KCNAB1: variants seen among roughly 807,000 people sequenced by gnomAD.
The protein encoded by KCNAB1 is voltage-gated potassium channel subunit beta-1.
KCNAB1 carries 35 observed loss-of-function variants against 64.6 expected under a neutral mutation model. That is an observed-to-expected ratio of 0.54 (90% CI 0.41 to 0.72). KCNAB1 has a LOEUF of 0.72. Among genes scored for constraint, KCNAB1 ranks in the 30% least tolerant of loss-of-function variants. The pLI is 0.00. For missense variants in KCNAB1, 401 were observed against 512.9 expected (o/e 0.78, Z 2.11); for synonymous variants, 177 against 183.8 (o/e 0.96, Z 0.30).
At chr3:156,220,232 CA>C in intron 1 of KCNAB1, among the ~76,000 whole-genome samples, 1 of 152,248 alleles carries the variant, frequency 6.6e-6, no homozygotes, top group East Asian at 1.9e-4. Context: ...GGTATATGCA[CA>C]GTAATGGGAT....
rs555090693 is a variant in KCNAB1 at position 156,180,815 on chromosome 3, T to C, written c.275+59929T>C. Among the ~76,000 whole-genome samples, 55 of 152,228 alleles carry C rather than the reference T, an allele frequency of 3.6e-4. 1 individual carries two copies. The South Asian group carries it at 0.01, about 28-fold the overall frequency. ...AGGTCTCAGGGAGGGAGAACAGAAA[T>C]GTCACATGAAGAAGGTGGAAACAGA... On this transcript the variant is annotated intron_variant, in intron 1 of 13. Coordinates refer to ENST00000490337, the MANE Select transcript of KCNAB1 (RefSeq NM_172160.3).
chr3:156,501,087 T>C (rs1452400459), intron 8 of KCNAB1, among the ~76,000 whole-genome samples: 1 of 152,182 alleles, frequency 6.6e-6, no homozygotes, highest in Non-Finnish European at 1.5e-5. Context: ...AAAATATAAT[T>C]ACCCTCAATA....
intron 1 of KCNAB1, among the ~76,000 whole-genome samples, chr3:156,378,975 G>A (rs2108142878): frequency 6.6e-6 from 1 of 152,330 alleles, no homozygotes; most frequent in East Asian, 1.9e-4. Flanking sequence ...GACAGTTTCT[G>A]CTGAAAAATC....
chr3:156,470,306 C>T (rs759570001), intron 7 of KCNAB1, among the ~76,000 whole-genome samples: 40 of 152,120 alleles, frequency 2.6e-4, no homozygotes, highest in Non-Finnish European at 2.6e-4. Context: ...TCAGCCATTC[C>T]ACAAACATTT....
At chr3:156,119,777 G>A (rs928124682), upstream of KCNAB1, among the ~76,000 whole-genome samples, 7 of 152,218 alleles carry the variant, frequency 4.6e-5, no homozygotes, top group African/African-American at 1.7e-4. Context: ...TAACCATAGG[G>A]CCATCAGCTT....
At chr3:156,176,440 G>A in intron 1 of KCNAB1, 1 of 785,214 alleles carries the variant, frequency 1.3e-6, no homozygotes, top group Non-Finnish European at 2.4e-6. Context: ...CTAGATAACA[G>A]GAATTCACAA....
chr3:156,210,820 G>T (rs561109433), intron 1 of KCNAB1, among the ~76,000 whole-genome samples: 3 of 152,204 alleles, frequency 2.0e-5, no homozygotes, highest in Non-Finnish European at 4.4e-5. Flanking sequence ...TCTTGGCTGG[G>T]TATTGCCCTT....
intron 1 of KCNAB1, among the ~76,000 whole-genome samples, chr3:156,221,401 A>C (rs1483599886): frequency 6.6e-6 from 1 of 152,220 alleles, no homozygotes; most frequent in Admixed American, 6.5e-5. Flanking sequence ...AAAACCTATC[A>C]GATTAACAGA....
intron 1 of KCNAB1, among the ~76,000 whole-genome samples, chr3:156,128,072 T>C (rs566081072): frequency 1.6e-4 from 25 of 152,298 alleles, no homozygotes; most frequent in African/African-American, 6.0e-4. Flanking sequence ...CTTTCTGAGA[T>C]CTCTCTGCCG....
At chr3:156,152,676 T>G (rs1380026887) in intron 1 of KCNAB1, among the ~76,000 whole-genome samples, 5 of 152,228 alleles carry the variant, frequency 3.3e-5, no homozygotes, top group African/African-American at 1.2e-4. Context: ...TCATTAAGTA[T>G]CCAAGCTCTC....
At chr3:156,301,935 T>C (rs946398633) in intron 1 of KCNAB1, among the ~76,000 whole-genome samples, 6 of 152,234 alleles carry the variant, frequency 3.9e-5, no homozygotes, top group Non-Finnish European at 7.3e-5. Context: ...GGTTTCCTCT[T>C]GCTGCTACAA....
At chr3:156,463,843 G>T (rs1713132354) in intron 6 of KCNAB1, 97 bp downstream of exon 6, 3 of 907,796 alleles carry the variant, frequency 3.3e-6, no homozygotes, top group Non-Finnish European at 5.1e-6. Context: ...AAATTAATTG[G>T]CTTAGAGAGA....
intron 8 of KCNAB1, among the ~76,000 whole-genome samples, chr3:156,491,656 A>C (rs186366938): frequency 1.3e-5 from 2 of 152,224 alleles, no homozygotes; most frequent in Non-Finnish European, 2.9e-5. Flanking sequence ...TGGTAAGCTA[A>C]TATTTAATTT....
chr3:156,118,519 G>C (rs1025336530), upstream of KCNAB1, among the ~76,000 whole-genome samples: 2 of 152,350 alleles, frequency 1.3e-5, no homozygotes, highest in South Asian at 4.1e-4. Context: ...AATGACAGGA[G>C]TGTCAAAGAA....
rs999911289 is a variant in KCNAB1, at chr3:156,492,723, T to C, written c.658+17903T>C. Among the ~76,000 whole-genome samples the C allele has an allele frequency of 2.6e-5, 4 of 152,158 alleles. No individual in the cohort carries two copies. In the East Asian group the frequency reaches 5.8e-4, roughly 22 times the overall value. On this transcript the variant is annotated intron_variant, in intron 8 of 13. Transcript: ENST00000490337. ...ATGAACTTAACCCAAAGTTGAGATA[T>C]GAATATATTAATAAGATAGTGGGTG...
At chr3:156,184,560 G>A (rs1713073089) in intron 1 of KCNAB1, among the ~76,000 whole-genome samples, 1 of 152,232 alleles carries the variant, frequency 6.6e-6, no homozygotes, top group Admixed American at 6.5e-5. Context: ...ACAGATAATT[G>A]ATGGAAAGAG....
At chr3:156,120,528 C>G, upstream of KCNAB1, 1 of 1,490,420 alleles carries the variant, frequency 6.7e-7, no homozygotes, top group Non-Finnish European at 9.2e-7. Flanking sequence ...TGGGCAGGGA[C>G]GAGGGAGGGA....
intron 1 of KCNAB1, among the ~76,000 whole-genome samples, chr3:156,407,187 A>C (rs1301061875): frequency 6.6e-6 from 1 of 152,010 alleles, no homozygotes; most frequent in Non-Finnish European, 1.5e-5. Context: ...CTCTCTCCTC[A>C]CATACCAAAC....
At chr3:156,273,496 A>G (rs1719156411) in intron 1 of KCNAB1, 2 of 433,678 alleles carry the variant, frequency 4.6e-6, no homozygotes, top group Non-Finnish European at 9.3e-6. Flanking sequence ...GTGACAGCAC[A>G]GCACTGGGTT....
Sources: allele counts gnomAD v4.1 joint callset (sites outside exome capture counted in the v4.1 genomes callset), GRCh38; gene constraint gnomAD v4.1.1; transcripts MANE v1.5; gene names NCBI Gene and HGNC (gene_info 2026-07-23, HGNC 2026-07-21).